The following ACOXL variants were observed in gnomAD, a reference collection of about 807,000 sequenced individuals.
The protein encoded by ACOXL is acyl-coenzyme A oxidase-like protein.
Under a neutral mutation model 71.9 loss-of-function variants are expected in ACOXL, and 70 were observed. That is an observed-to-expected ratio of 0.97 (90% CI 0.80 to 1.19). The LOEUF is 1.19. ACOXL is among the 50% of genes most tolerant of loss of function. ACOXL has a pLI of 0.00. For synonymous variants in ACOXL, 253 were observed against 281.6 expected (o/e 0.90, Z 1.02); for missense variants, 703 against 736.3 (o/e 0.95, Z 0.52).
intron 16 of ACOXL, among the ~76,000 whole-genome samples, chr2:111,078,767 A>C (rs1558944982): frequency 1.3e-5 from 2 of 152,196 alleles, no homozygotes; most frequent in Admixed American, 6.5e-5. Context: ...TATGCTGAAA[A>C]ATATTGGATT....
chr2:111,100,207 A>G (rs930867365), intron 17 of ACOXL: 1 of 152,652 alleles, frequency 6.6e-6, no homozygotes, highest in African/African-American at 2.4e-5. Context: ...GTTGCAGATC[A>G]AAAAAGGACC....
intron 11 of ACOXL, among the ~76,000 whole-genome samples, chr2:110,924,096 T>A (rs2060181976): frequency 6.6e-6 from 1 of 152,218 alleles, no homozygotes; most frequent in Admixed American, 6.5e-5. Flanking sequence ...ATTTACACTG[T>A]ACTACAGCCT....
At chr2:111,010,267 T>C (rs888893842) in intron 14 of ACOXL, among the ~76,000 whole-genome samples, 1 of 151,800 alleles carries the variant, frequency 6.6e-6, no homozygotes, top group African/African-American at 2.4e-5. Flanking sequence ...TTGAACGATA[T>C]GAAAAAGGAA....
At chr2:111,040,641 C>G (rs2065736817) in intron 15 of ACOXL, among the ~76,000 whole-genome samples, 1 of 152,180 alleles carries the variant, frequency 6.6e-6, no homozygotes, top group Non-Finnish European at 1.5e-5. Context: ...GCAGGGGGTG[C>G]AGGGTCCACG....
chr2:111,065,876 G>A (rs532740025), intron 16 of ACOXL, among the ~76,000 whole-genome samples: 4 of 152,286 alleles, frequency 2.6e-5, no homozygotes, highest in South Asian at 4.1e-4. Context: ...GTGATAACAC[G>A]TAATGCAAGT....
chr2:110,738,719 T>C (rs1025793374), intron 1 of ACOXL, among the ~76,000 whole-genome samples: 4 of 152,178 alleles, frequency 2.6e-5, no homozygotes, highest in African/African-American at 4.8e-5. Flanking sequence ...GTGGGCCCTT[T>C]TAATATGGAA....
chr2:111,004,658 A>G (rs531301914), intron 14 of ACOXL, among the ~76,000 whole-genome samples: 1 of 152,288 alleles, frequency 6.6e-6, no homozygotes, highest in East Asian at 1.9e-4. Context: ...GTGGGAAGAA[A>G]AAATAAACCA....
rs144118267 is a variant in ACOXL at position 110,762,536 on chromosome 2, A to G, written c.-22-5832A>G. On this transcript the variant is annotated intron_variant, in intron 1 of 17. Coordinates refer to ENST00000439055, the MANE Select transcript of ACOXL (RefSeq NM_001142807.4). ...TTTCTTAGTGGTTGCTTGAGGTGTT[A>G]TAGTACATACCTAATTTATCATAGT... 2.4e-3 allele frequency among the ~76,000 whole-genome samples: 358 copies of G among 152,274 alleles called. 2 individuals carry two copies. Among genetic ancestry groups the G allele is most frequent in the African/African-American group, 8.4e-3 (348 of 41,558 alleles).
chr2:110,784,458 G>A (rs752769236), intron 2 of ACOXL, among the ~76,000 whole-genome samples: 5 of 152,256 alleles, frequency 3.3e-5, no homozygotes, highest in East Asian at 1.9e-4. Context: ...CGAGTCGGTC[G>A]CAGGGTTGCA....
At chr2:110,938,307 GA>G (rs1021324350) in intron 12 of ACOXL, among the ~76,000 whole-genome samples, 6 of 152,114 alleles carry the variant, frequency 3.9e-5, no homozygotes, top group Non-Finnish European at 1.5e-5. Context: ...GGAATAAAGG[GA>G]AAAAGCGGGA....
chr2:110,887,581 A>C (rs1405682392), intron 10 of ACOXL: 6 of 152,336 alleles, frequency 3.9e-5, no homozygotes, highest in Admixed American at 1.3e-4. Context: ...CAGCCACCTG[A>C]GTAGCTGGAA....
chr2:111,117,970 C>A lies in ACOXL; in HGVS notation c.*154C>A. 5.7e-6 allele frequency: 5 copies of A among 881,878 alleles called. No individual in the cohort carries two copies. The highest frequency in any genetic ancestry group is 1.8e-5 in the South Asian group (1 of 56,256). The allele number at this position is 881,878 out of a possible 1,614,324, so 54.6% of individuals were successfully genotyped here. ...AAAGCGGAGGTCCCGCCGAGGCTGGCGAGGTGCGCGGCTGGCTGCTAGGAA... is the reference window on the plus strand; with the variant it reads ...AAAGCGGAGGTCCCGCCGAGGCTGGAGAGGTGCGCGGCTGGCTGCTAGGAA... On this transcript the variant is annotated 3_prime_UTR_variant, in exon 18 of 18. Coordinates refer to ENST00000439055, the MANE Select transcript of ACOXL (RefSeq NM_001142807.4).
chr2:110,973,400 C>T (rs930451738), intron 12 of ACOXL, among the ~76,000 whole-genome samples: 8 of 152,046 alleles, frequency 5.3e-5, no homozygotes, highest in East Asian at 1.9e-4. Context: ...GATTAGGTCA[C>T]GATCACGCTG....
Position 110,798,725 on chromosome 2 carries a change from G to T in ACOXL, c.460+1G>T. Reference sequence around the variant, plus strand: ...CTCATCATAGATGGAAGATCTCAAGGTTTGTTACCAATACAGACAACTAGA... The same window carrying T: ...CTCATCATAGATGGAAGATCTCAAGTTTTGTTACCAATACAGACAACTAGA... On this transcript the variant is annotated splice_donor_variant, in intron 6 of 17. Transcript: ENST00000439055. LOFTEE classifies it high-confidence loss of function. 2 of 1,612,716 alleles carry T rather than the reference G, an allele frequency of 1.2e-6. No homozygotes were observed. Among genetic ancestry groups the T allele is most frequent in the South Asian group, 1.1e-5 (1 of 91,056 alleles).
chr2:110,739,053 C>T (rs1677197548), intron 1 of ACOXL, among the ~76,000 whole-genome samples: 1 of 152,102 alleles, frequency 6.6e-6, no homozygotes, highest in African/African-American at 2.4e-5. Flanking sequence ...CCCTTCTATT[C>T]TCTGCTTTGT....
At chr2:110,762,671 T>A (rs1372565570) in intron 1 of ACOXL, among the ~76,000 whole-genome samples, 4 of 152,188 alleles carry the variant, frequency 2.6e-5, no homozygotes, top group South Asian at 2.1e-4. Flanking sequence ...TTTTTAAAAA[T>A]TTGAGACAGG....
intron 12 of ACOXL, among the ~76,000 whole-genome samples, chr2:110,938,579 T>A (rs540850205): frequency 6.6e-6 from 1 of 152,350 alleles, no homozygotes; most frequent in South Asian, 2.1e-4. Flanking sequence ...CACTACAGCC[T>A]AAGTCTGACT....
intron 12 of ACOXL, among the ~76,000 whole-genome samples, chr2:110,983,605 C>T (rs1411267394): frequency 6.6e-6 from 1 of 152,078 alleles, no homozygotes; most frequent in East Asian, 1.9e-4. Context: ...TATGAAAAGC[C>T]ACAGAAACAC....
chr2:110,923,353 G>T (rs1229378034), intron 11 of ACOXL, among the ~76,000 whole-genome samples: 2 of 151,818 alleles, frequency 1.3e-5, no homozygotes, highest in African/African-American at 4.8e-5. Context: ...TCACATCTTG[G>T]TCGTAGGGCC....
Sources: gnomAD v4.1 joint callset for allele counts (sites outside exome capture counted in the v4.1 genomes callset) on GRCh38, gnomAD v4.1.1 for gene constraint, MANE v1.5 for transcripts, NCBI Gene and HGNC (gene_info 2026-07-23, HGNC 2026-07-21) for gene names.